ATP11B: variants seen among roughly 807,000 people sequenced by gnomAD.
The protein encoded by ATP11B is ATPase phospholipid transporting 11B (putative), also known as phospholipid-transporting ATPase IF.
ATP11B carries 81 observed loss-of-function variants against 157.8 expected under a neutral mutation model. The observed-to-expected ratio is 0.51, with a 90% CI of 0.43 to 0.62. ATP11B has a LOEUF of 0.62. Ranked by LOEUF, ATP11B falls within the 20% of genes least tolerant of loss-of-function variation. ATP11B has a pLI of 0.00. For missense variants in ATP11B, 1,165 were observed against 1,402.2 expected (o/e 0.83, Z 2.70); for synonymous variants, 451 against 469.4 (o/e 0.96, Z 0.51).
chr3:182,817,942 C>CT (rs1286969313), intron 1 of ATP11B, among the ~76,000 whole-genome samples: 1 of 152,044 alleles, frequency 6.6e-6, no homozygotes, highest in Non-Finnish European at 1.5e-5. Context: ...CTGAAATTTA[C>CT]TTTCTTTTTT....
intron 25 of ATP11B, among the ~76,000 whole-genome samples, chr3:182,893,955 A>C (rs28419027): frequency 0.035 from 5,307 of 152,218 alleles, 317 homozygotes; most frequent in African/African-American, 0.12. Flanking sequence ...GTATTTTCTC[A>C]TGTTCATTGG....
intron 2 of ATP11B, 62 bp downstream of exon 2, chr3:182,820,438 C>T: frequency 8.9e-7 from 1 of 1,129,232 alleles, no homozygotes; most frequent in African/African-American, 1.5e-5. Flanking sequence ...CATCCCAGCA[C>T]TTTGGGAGGC....
chr3:182,872,447 C>G lies in ATP11B; in HGVS notation c.1958C>G (p.Ala653Gly), dbSNP rs1467330199. 6.2e-7 allele frequency: 1 copy of G among 1,614,012 alleles called. No homozygotes were observed. Among genetic ancestry groups the G allele is most frequent in the Admixed American group, 1.7e-5 (1 of 60,008 alleles). Residue 653 changes from alanine (A) to glycine (G), a missense_variant, in exon 18 of 30, where the codon GCC becomes GGC. Physicochemically the swap from Ala to Gly is moderately conservative, Grantham distance 60 (BLOSUM62 0). This residue lies in a region of ATP11B where 737 missense variants were observed against 930.5 expected (regional missense o/e 0.79). Coordinates refer to ENST00000323116, the MANE Select transcript of ATP11B (RefSeq NM_014616.3). The stretch of plus-strand genomic sequence containing the variant: ...AAACGCATATTTGAAGCCAGGACTG[C>G]CTTGCAGCAGCGGGAAGAGAAATTG... ...IDKRIFEART[A>G]LQQREEKLAA... is the part of the protein sequence containing the mutation.
At chr3:182,886,260 C>A (rs1722784339) in intron 23 of ATP11B, among the ~76,000 whole-genome samples, 1 of 151,896 alleles carries the variant, frequency 6.6e-6, no homozygotes, top group Admixed American at 6.6e-5. Flanking sequence ...AGATAATAAC[C>A]CTTAACAGCT....
intron 4 of ATP11B, chr3:182,833,677 G>A (rs1352467228): frequency 1.3e-5 from 2 of 152,020 alleles, no homozygotes; most frequent in Admixed American, 6.6e-5. Context: ...CCTAAATAAG[G>A]AAAAGGCATG....
At chr3:182,810,067 G>A (rs1394649279) in intron 1 of ATP11B, among the ~76,000 whole-genome samples, 4 of 151,998 alleles carry the variant, frequency 2.6e-5, no homozygotes, top group African/African-American at 7.3e-5. Flanking sequence ...ATTTTCAGCC[G>A]GTCACGGTGG....
chr3:182,846,089 A>G (rs547644310), intron 9 of ATP11B, among the ~76,000 whole-genome samples: 1 of 152,210 alleles, frequency 6.6e-6, no homozygotes, highest in Admixed American at 6.5e-5. Flanking sequence ...TGAGTCAACT[A>G]TAAGCAAATT....
intron 25 of ATP11B, among the ~76,000 whole-genome samples, chr3:182,896,298 G>A (rs989350211): frequency 3.9e-5 from 6 of 152,074 alleles, no homozygotes; most frequent in Non-Finnish European, 8.8e-5. Flanking sequence ...CAAAAATACC[G>A]TGGCATGTGC....
At position 182,889,342 on chromosome 3, in the gene ATP11B, T is replaced by C. The variant is rs527635957; in HGVS notation, c.2844-68T>C. ...ATCTTGTTTTTTAATTATCATATTA[T>C]ATTAATTGTTTAGTGGGCAAATAAT... is the stretch of plus-strand genomic sequence containing the variant. On this transcript the variant is annotated intron_variant, in intron 24 of 29. Transcript: ENST00000323116. 68 of 1,104,538 alleles carry C rather than the reference T, an allele frequency of 6.2e-5. No homozygotes were observed. The South Asian group carries it at 9.1e-4, about 15-fold the overall frequency. The allele number at this position is 1,104,538 out of a possible 1,614,324, so 68.4% of individuals were successfully genotyped here.
At chr3:182,886,776 T>C (rs1428118431) in intron 23 of ATP11B, among the ~76,000 whole-genome samples, 3 of 152,160 alleles carry the variant, frequency 2.0e-5, no homozygotes, top group Non-Finnish European at 4.4e-5. Context: ...TCTAATTTAT[T>C]GAAAAAACAA....
At chr3:182,806,952 A>G (rs56034467) in intron 1 of ATP11B, among the ~76,000 whole-genome samples, 2,396 of 152,126 alleles carry the variant, frequency 0.016, 55 homozygotes, top group African/African-American at 0.054. Flanking sequence ...TGAACTTCAA[A>G]CTGCTTATTT....
chr3:182,847,730 C>T (rs1027959626), intron 9 of ATP11B, among the ~76,000 whole-genome samples: 2 of 152,156 alleles, frequency 1.3e-5, no homozygotes, highest in South Asian at 2.1e-4. Context: ...GACCTCACAA[C>T]TCTATGAGGT....
At chr3:182,819,263 G>A (rs1717172608) in intron 1 of ATP11B, among the ~76,000 whole-genome samples, 1 of 151,628 alleles carries the variant, frequency 6.6e-6, no homozygotes, top group Admixed American at 6.6e-5. Context: ...AGTAGAGACG[G>A]GGTTTCACCA....
chr3:182,889,666 A>G, intron 25 of ATP11B, 118 bp downstream of exon 25: 1 of 938,018 alleles, frequency 1.1e-6, no homozygotes, highest in South Asian at 1.9e-5. Context: ...AAATGCAAAT[A>G]TAAAAAGGTT....
chr3:182,887,773 T>C, intron 24 of ATP11B, 60 bp downstream of exon 24: 1 of 1,524,012 alleles, frequency 6.6e-7, no homozygotes, highest in Non-Finnish European at 8.9e-7. Context: ...AATAAGCAGA[T>C]TTATTTATGT....
chr3:182,817,917 G>A (rs564650039), intron 1 of ATP11B, among the ~76,000 whole-genome samples: 2 of 151,894 alleles, frequency 1.3e-5, no homozygotes, highest in African/African-American at 4.8e-5. Flanking sequence ...AAAGATTTAC[G>A]TACTGTTTGA....
chr3:182,857,290 C>T (rs951364340), intron 10 of ATP11B, among the ~76,000 whole-genome samples: 23 of 152,072 alleles, frequency 1.5e-4, no homozygotes, highest in Non-Finnish European at 2.1e-4. Flanking sequence ...GGAATACAGG[C>T]GCCCGTCACC....
intron 29 of ATP11B, chr3:182,916,784 G>T: frequency 9.1e-6 from 9 of 985,242 alleles, no homozygotes; most frequent in Non-Finnish European, 1.1e-5. Context: ...GTGGAAAGAA[G>T]AAAAACTAAT....
In ATP11B at chr3:182,894,995, G is replaced by A. The variant is rs1051131348; in HGVS notation, c.2983-1705G>A. Among the ~76,000 whole-genome samples the A allele has an allele frequency of 7.3e-5, 11 of 151,520 alleles. No individual in the cohort carries two copies. In the East Asian group the frequency reaches 1.4e-3, roughly 19 times the overall value. On this transcript the variant is annotated intron_variant, in intron 25 of 29. Coordinates refer to ENST00000323116, the MANE Select transcript of ATP11B (RefSeq NM_014616.3). ...AAAAAAATTAGCTAAGTGTGGTGGC[G>A]TGTGCCTCTAGTCCCAGCTACTTGG...
Sources: gnomAD v4.1 joint callset for allele counts (sites outside exome capture counted in the v4.1 genomes callset) on GRCh38, gnomAD v4.1.1 for gene constraint, gnomAD v4.1.1 regional missense constraint, MANE v1.5 for transcripts, NCBI Gene and HGNC (gene_info 2026-07-23, HGNC 2026-07-21) for gene names.